The following CDAN1 variants were observed in gnomAD, a reference collection of about 807,000 sequenced individuals.
The protein encoded by CDAN1 is codanin 1.
CDAN1 carries 107 observed loss-of-function variants against 139.8 expected under a neutral mutation model. The observed-to-expected ratio is 0.77, with a 90% confidence interval of 0.65 to 0.90. CDAN1 has a LOEUF of 0.90. CDAN1 is among the 40% of genes least tolerant of loss of function. The probability of loss-of-function intolerance (pLI) is 0.00; values close to 1 mark genes in which losing one functional copy is unlikely to be tolerated. For missense variants in CDAN1, 1,667 were observed against 1,575.7 expected, an observed-to-expected ratio of 1.06 and a Z score of -0.98; for synonymous variants, 776 against 660.6, an observed-to-expected ratio of 1.17 and a Z score of -2.68.
At position 42,731,052 on chromosome 15, in the gene CDAN1, G is replaced by A. The variant is rs1291939202; in HGVS notation, c.1880C>T (p.Ala627Val). 34 of 1,614,074 alleles carry A rather than the reference G, an allele frequency of 2.1e-5. No individual in the cohort carries two copies. Among genetic ancestry groups the A allele is most frequent in the African/African-American group, 2.7e-5 (2 of 74,916 alleles). The change falls in exon 13 of 28, where the codon GCT (alanine) becomes GTT (valine). Residue 627 changes from alanine to valine, a missense_variant. Ala to Val is a moderately conservative substitution (Grantham distance 64). Coordinates refer to ENST00000356231, the MANE Select transcript of CDAN1 (RefSeq NM_138477.4). The stretch of plus-strand genomic sequence containing the variant: ...AAGTCTCAGGCTAAGAAGCACCACA[G>A]CAAATTGCTTCCGCTCACCCTGCAT... ...VDWQGERKQF[A>V]VVLLSLRLLA...
intron 25 of CDAN1, 92 bp from the exon 26 acceptor site, chr15:42,725,762 G>T: frequency 7.4e-7 from 1 of 1,350,578 alleles, no homozygotes; most frequent in Non-Finnish European, 1.0e-6. Flanking sequence ...GGAGGCTGAG[G>T]TGGGCAGATC....
chr15:42,734,457 C>A (rs2061659840), intron 6 of CDAN1, 111 bp from the exon 7 acceptor site: 2 of 1,303,484 alleles, frequency 1.5e-6, no homozygotes, highest in African/African-American at 1.4e-5. Context: ...TATGCAAGCC[C>A]AGATATGTAC....
Position 42,725,209 on chromosome 15 carries a change from CCTTCTCCA to C in CDAN1, c.3485_3492del (p.Val1162GlyfsTer26). ...TCTATCTCCATCCGTCCCATCAGACCCTTCTCCACCAGCTCCCGTAGCAAGAATAGCAG... is the reference window on the plus strand; with the variant it reads ...TCTATCTCCATCCGTCCCATCAGACCCCAGCTCCCGTAGCAAGAATAGCAG... On this transcript the variant is annotated frameshift_variant, in exon 27 of 28. Transcript: ENST00000356231. LOFTEE classifies it high-confidence loss of function. 2.5e-6 allele frequency: 4 copies of C among 1,614,252 alleles called. No homozygotes were observed. Among genetic ancestry groups the C allele is most frequent in the Non-Finnish European group, 3.4e-6 (4 of 1,180,048 alleles).
chr15:42,734,253 T>C lies in CDAN1; in HGVS notation c.1230A>G (p.Arg410=). 1 of 1,614,098 alleles carries C rather than the reference T, an allele frequency of 6.2e-7. No homozygotes were observed. The highest frequency in any genetic ancestry group is 1.1e-5 in the South Asian group (1 of 91,076). Residue 410 remains arginine (R), a synonymous_variant, in exon 7 of 28, where the codon CGA becomes CGG. Transcript: ENST00000356231. The stretch of plus-strand genomic sequence containing the variant: ...TGGCAACACTGCCCTCATAGGCAGC[T>C]CGAAGGCGGCCTTGCAGAGCTGGTG... The part of the protein sequence containing the change: ...CFSPALQGRL[R]AAYEGSVAKV...
rs202083833 is a variant in CDAN1 at position 42,725,196 on chromosome 15, C to G, written c.3506G>C (p.Arg1169Pro). The G allele has an allele frequency of 6.2e-7, 1 of 1,614,104 alleles. No homozygotes were observed. Among genetic ancestry groups the G allele is most frequent in the Non-Finnish European group, 8.5e-7 (1 of 1,180,052 alleles). The stretch of plus-strand genomic sequence containing the variant: ...GCCCAGGCAGGCCTCTATCTCCATC[C>G]GTCCCATCAGACCCTTCTCCACCAG... ...RELVEKGLMG[R>P]MEIEACLGSL... The change falls in exon 27 of 28, where the codon CGG becomes CCG. Residue 1169 changes from arginine to proline, a missense_variant. Coordinates refer to ENST00000356231, the MANE Select transcript of CDAN1 (RefSeq NM_138477.4).
At chr15:42,731,109 A>C in intron 12 of CDAN1, 38 bp from the exon 13 acceptor site, 1 of 1,614,218 alleles carries the variant, frequency 6.2e-7, no homozygotes, top group Non-Finnish European at 8.5e-7. Flanking sequence ...TCCAAGCATG[A>C]GGCTTCCAGA....
Position 42,725,240 on chromosome 15 carries a change from C to T in CDAN1, c.3462G>A (p.Leu1154=). 1 of 1,614,174 alleles carries T rather than the reference C, an allele frequency of 6.2e-7. No individual in the cohort carries two copies. The highest frequency in any genetic ancestry group is 1.6e-4 in the Middle Eastern group (1 of 6,062). ...CCACCAGCTCCCGTAGCAAGAATAG[C>T]AGCAAGTCCCACTGCAAAACACACC... ...ADTRPREWDL[L]LFLLRELVEK... Residue 1154 remains leucine, a synonymous_variant, in exon 27 of 28, where the codon CTG becomes CTA. Transcript: ENST00000356231.
chr15:42,733,233 G>C lies in CDAN1; in HGVS notation c.1368-47C>G, dbSNP rs996309357. ...TCAGCCGAGGCACTCACTCCCACCA[G>C]TGCCTTCCTGCCCCTGGAAGAACTA... On this transcript the variant is annotated intron_variant, in intron 8 of 27. Coordinates refer to ENST00000356231, the MANE Select transcript of CDAN1 (RefSeq NM_138477.4). 8 of 1,494,510 alleles carry C rather than the reference G, an allele frequency of 5.4e-6. No homozygotes were observed. The African/African-American group carries it at 9.7e-5, about 18-fold the overall frequency. The allele number at this position is 1,494,510 out of a possible 1,614,324, so 92.6% of individuals were successfully genotyped here. A position where few individuals can be genotyped will look rare whatever the true frequency, so the allele number is the denominator to read the frequency against.
At chr15:42,731,189 T>C (rs2140487058) in intron 12 of CDAN1, 22 bp downstream of exon 12, 2 of 1,614,224 alleles carry the variant, frequency 1.2e-6, no homozygotes, top group East Asian at 4.5e-5. Context: ...ACCCCATTAT[T>C]TCCCTTGTTC....
At chr15:42,732,103 A>C (rs1310702111) in intron 10 of CDAN1, among the ~76,000 whole-genome samples, 3 of 152,222 alleles carry the variant, frequency 2.0e-5, no homozygotes, top group Non-Finnish European at 2.9e-5. Context: ...CAAATCAGGG[A>C]AGGCAGCAGC....
rs1355807441 is a variant in CDAN1 at position 42,735,674 on chromosome 15, T to C, written c.779A>G (p.Lys260Arg). Residue 260 changes from lysine to arginine, a missense_variant, in exon 4 of 28, where the codon AAG becomes AGG. By Grantham distance (26) the Lys-to-Arg change is conservative. Transcript: ENST00000356231. Reference sequence around the variant, plus strand: ...GGGGGTAGGTGACTGCTGCAGCTGCTTAGAGCTATGGAATAAAGAAATTTC... The same window carrying C: ...GGGGGTAGGTGACTGCTGCAGCTGCCTAGAGCTATGGAATAAAGAAATTTC... Reference protein sequence around the residue: ...EREMLRKERSKQLQQSPTPTC... With the variant: ...EREMLRKERSRQLQQSPTPTC... The C allele has an allele frequency of 6.2e-7, 1 of 1,613,752 alleles. No homozygotes were observed. The highest frequency in any genetic ancestry group is 8.5e-7 in the Non-Finnish European group (1 of 1,179,976).
In CDAN1 at chr15:42,736,760, G is replaced by C. The variant is rs532331365; in HGVS notation, c.111C>G (p.Ala37=). ...GCAGGGCCCGGAGTGAGCTCAGCGC[G>C]GCCGCCTCCCCAGCGTTATCCTAGG... is the stretch of plus-strand genomic sequence containing the variant. ...QGSEDNAGEA[A]ALSSLRALRK... is the part of the protein sequence containing the mutation. Residue 37 remains alanine (A), a synonymous_variant, in exon 2 of 28, where the codon GCC becomes GCG. Coordinates refer to ENST00000356231, the MANE Select transcript of CDAN1 (RefSeq NM_138477.4). The C allele has an allele frequency of 3.2e-5, 49 of 1,550,696 alleles. No individual in the cohort carries two copies. In the East Asian group the frequency reaches 1.0e-3, roughly 33 times the overall value.
chr15:42,731,566 G>A, intron 11 of CDAN1, 54 bp downstream of exon 11: 2 of 1,590,256 alleles, frequency 1.3e-6, no homozygotes, highest in Non-Finnish European at 1.7e-6. Context: ...CTTTTGGGAA[G>A]CCAAACCTTT....
chr15:42,735,649 G>C lies in CDAN1; in HGVS notation c.804C>G (p.Pro268=), dbSNP rs191624595. The change falls in exon 4 of 28, where the codon CCC becomes CCG. Residue 268 remains proline, a synonymous_variant. Transcript: ENST00000356231. The stretch of plus-strand genomic sequence containing the variant: ...ACCCCAATTCTGGGGTGGGACAGGT[G>C]GGGGTAGGTGACTGCTGCAGCTGCT... ...RSKQLQQSPT[P]TCPTPELGSP... 15 of 1,614,076 alleles carry C rather than the reference G, an allele frequency of 9.3e-6. No homozygotes were observed. The highest frequency in any genetic ancestry group is 1.2e-5 in the Non-Finnish European group (14 of 1,180,012).
chr15:42,733,897 G>A, intron 8 of CDAN1, 41 bp downstream of exon 8: 1 of 1,416,964 alleles, frequency 7.1e-7, no homozygotes, highest in Non-Finnish European at 1.0e-6. Flanking sequence ...CCAGAAAAAT[G>A]TCATCTCATT....
intron 17 of CDAN1, 48 bp downstream of exon 17, chr15:42,729,520 C>CTCA (rs1566982792): frequency 1.2e-6 from 2 of 1,612,866 alleles, no homozygotes; most frequent in African/African-American, 2.7e-5. Flanking sequence ...CTTTTGGGTA[C>CTCA]TCATGGAGGG....
At position 42,730,753 on chromosome 15, in the gene CDAN1, G is replaced by C; in HGVS notation, c.2019C>G (p.Val673=). ...GCTGCAGCAGAGTCCGCACATCCAGGACCGGAGGGACCTGGGAGGGCCAGA... is the reference window on the plus strand; with the variant it reads ...GCTGCAGCAGAGTCCGCACATCCAGCACCGGAGGGACCTGGGAGGGCCAGA... ...ILALRSQVPP[V]LDVRTLLQRG... Residue 673 remains valine, a synonymous_variant, in exon 14 of 28, where the codon GTC becomes GTG. Coordinates refer to ENST00000356231, the MANE Select transcript of CDAN1 (RefSeq NM_138477.4). 6.2e-7 allele frequency: 1 copy of C among 1,611,978 alleles called. No individual in the cohort carries two copies. Among genetic ancestry groups the C allele is most frequent in the Non-Finnish European group, 8.5e-7 (1 of 1,179,006 alleles).
In CDAN1 at chr15:42,725,957, C is replaced by T. The variant is rs554125678; in HGVS notation, c.3268+140G>A. On this transcript the variant is annotated intron_variant, in intron 25 of 27. Transcript: ENST00000356231. ...TGCCACTGCACTCCAGCCTGGGCAA[C>T]AGAACAAGATTCCGTCTCAAAAAAA... The T allele has an allele frequency of 5.6e-5, 39 of 693,412 alleles. No homozygotes were observed. In the East Asian group the frequency reaches 1.2e-3, roughly 22 times the overall value. 43.0% of individuals were successfully genotyped at this position (693,412 alleles called of 1,614,324 possible).
chr15:42,728,393 T>TCCCGC, intron 20 of CDAN1, 126 bp from the exon 21 acceptor site: 2 of 734,476 alleles, frequency 2.7e-6, no homozygotes, highest in Non-Finnish European at 4.5e-6. Context: ...CCGTTTGCCC[T>TCCCGC]CCCGCCCCAC....
Sources: gnomAD v4.1 joint callset for allele counts (sites outside exome capture counted in the v4.1 genomes callset) on GRCh38, gnomAD v4.1.1 for gene constraint, MANE v1.5 for transcripts, NCBI Gene and HGNC (gene_info 2026-07-23, HGNC 2026-07-21) for gene names.